The following RGS6 variants were observed in gnomAD, a reference collection of about 807,000 sequenced individuals.
The protein encoded by RGS6 is regulator of G protein signaling 6, also known as regulator of G-protein signaling 6.
Under a neutral mutation model 78.5 loss-of-function variants are expected in RGS6, and 30 were observed. The observed-to-expected ratio is 0.38, with a 90% confidence interval of 0.29 to 0.52. The LOEUF (loss-of-function observed/expected upper bound fraction) is 0.52. Among genes scored for constraint, RGS6 ranks in the 20% least tolerant of loss-of-function variants. The probability of loss-of-function intolerance (pLI) is 0.85; values close to 1 mark genes in which losing one functional copy is unlikely to be tolerated. For missense variants in RGS6, 495 were observed against 609.7 expected (o/e 0.81, Z 1.98); for synonymous variants, 206 against 206.0 (o/e 1.00, Z 0.00).
chr14:71,936,105 A>T (rs1363787060), intron 1 of RGS6, among the ~76,000 whole-genome samples: 2 of 148,102 alleles, frequency 1.4e-5, no homozygotes, highest in African/African-American at 4.9e-5. Context: ...TATACATATG[A>T]TATATGTACA....
chr14:71,962,023 A>G (rs577093923), intron 1 of RGS6, among the ~76,000 whole-genome samples: 4 of 152,336 alleles, frequency 2.6e-5, no homozygotes, highest in African/African-American at 4.8e-5. Flanking sequence ...CCAGTTCTCT[A>G]TAACATCTGT....
intron 2 of RGS6, among the ~76,000 whole-genome samples, chr14:72,176,811 A>G (rs2097110505): frequency 6.6e-6 from 1 of 152,226 alleles, no homozygotes; most frequent in Non-Finnish European, 1.5e-5. Context: ...ACATACGCAC[A>G]TGTGCACACA....
chr14:71,950,923 C>G (rs1298501908), intron 1 of RGS6, among the ~76,000 whole-genome samples: 1 of 151,996 alleles, frequency 6.6e-6, no homozygotes, highest in Non-Finnish European at 1.5e-5. Context: ...GCTGGCGAGG[C>G]TGAGGAGAGA....
At chr14:72,254,740 C>T (rs2056693154) in intron 2 of RGS6, among the ~76,000 whole-genome samples, 1 of 152,086 alleles carries the variant, frequency 6.6e-6, no homozygotes, top group Non-Finnish European at 1.5e-5. Flanking sequence ...ATCAATCCTA[C>T]ATGGAGCTAC....
the RGS6 span, among the ~76,000 whole-genome samples, chr14:72,621,985 G>T: frequency 6.6e-6 from 1 of 152,212 alleles, no homozygotes; most frequent in Non-Finnish European, 1.5e-5. Flanking sequence ...CAGGAGAGAA[G>T]TCTGGGCCTG....
chr14:72,294,460 T>C (rs2064285216), intron 2 of RGS6, among the ~76,000 whole-genome samples: 1 of 152,214 alleles, frequency 6.6e-6, no homozygotes, highest in Non-Finnish European at 1.5e-5. Flanking sequence ...ATAGTCCCTT[T>C]ATGAAGTTTG....
intron 2 of RGS6, among the ~76,000 whole-genome samples, chr14:72,232,634 A>T (rs575722998): frequency 6.6e-6 from 1 of 152,110 alleles, no homozygotes; most frequent in Non-Finnish European, 1.5e-5. Flanking sequence ...GGTGTCCTCA[A>T]TGGAGAGGCG....
chr14:72,620,732 T>G, the RGS6 span, among the ~76,000 whole-genome samples: 1 of 152,236 alleles, frequency 6.6e-6, no homozygotes, highest in East Asian at 1.9e-4. Context: ...CTAATCTACC[T>G]CAACTGGAAG....
intron 3 of RGS6, among the ~76,000 whole-genome samples, chr14:72,436,061 C>T (rs1254714281): frequency 6.6e-6 from 1 of 152,100 alleles, no homozygotes; most frequent in Non-Finnish European, 1.5e-5. Flanking sequence ...CCCTCTTTGA[C>T]CCTTCTGCCT....
chr14:72,612,355 C>T, the RGS6 span: 1 of 449,368 alleles, frequency 2.2e-6, no homozygotes, highest in Admixed American at 2.3e-5. Flanking sequence ...GCCACCTGCT[C>T]CCCACCTCCT....
chr14:72,452,351 C>T (rs1032522067), intron 3 of RGS6, among the ~76,000 whole-genome samples: 3 of 152,034 alleles, frequency 2.0e-5, no homozygotes, highest in Admixed American at 6.6e-5. Flanking sequence ...AGAAGTGCTG[C>T]CTTTGAGGTT....
chr14:72,540,642 G>C, intron 17 of RGS6: 1 of 1,424,714 alleles, frequency 7.0e-7, no homozygotes, highest in Non-Finnish European at 9.3e-7. Context: ...TAGCTGGCGT[G>C]TGTGTTAGTC....
intron 2 of RGS6, among the ~76,000 whole-genome samples, chr14:72,161,643 A>G (rs766822685): frequency 1.3e-5 from 2 of 152,170 alleles, no homozygotes; most frequent in Non-Finnish European, 2.9e-5. Flanking sequence ...TTACTGAAAT[A>G]TTCTGTTTCT....
chr14:72,211,695 T>G (rs1046513332), intron 2 of RGS6, among the ~76,000 whole-genome samples: 4 of 152,162 alleles, frequency 2.6e-5, no homozygotes, highest in Admixed American at 6.6e-5. Context: ...CATCTTAGAA[T>G]AGACTTGGGA....
chr14:72,221,017 G>A (rs2153791197), intron 2 of RGS6, among the ~76,000 whole-genome samples: 1 of 152,268 alleles, frequency 6.6e-6, no homozygotes, highest in African/African-American at 2.4e-5. Context: ...AAACCTGTCT[G>A]AAGACCTTAG....
chr14:72,074,771 A>C (rs868675080), intron 2 of RGS6, among the ~76,000 whole-genome samples: 58 of 152,148 alleles, frequency 3.8e-4, no homozygotes, highest in African/African-American at 1.3e-3. Context: ...ATTTTTATTT[A>C]TCTCTCAAGT....
intron 7 of RGS6, among the ~76,000 whole-genome samples, chr14:72,468,602 T>G (rs1428569958): frequency 1.3e-5 from 2 of 152,218 alleles, no homozygotes; most frequent in Non-Finnish European, 2.9e-5. Context: ...CATACATTTT[T>G]TTCTTTACAA....
intron 2 of RGS6, among the ~76,000 whole-genome samples, chr14:72,137,867 C>A (rs543589090): frequency 6.6e-6 from 1 of 152,122 alleles, no homozygotes. Flanking sequence ...TTGTTTAAAT[C>A]ATTTACATAA....
chr14:72,250,165 C>T (rs1243060905), intron 2 of RGS6, among the ~76,000 whole-genome samples: 1 of 151,204 alleles, frequency 6.6e-6, no homozygotes, highest in African/African-American at 2.4e-5. Context: ...GGGTGCAGTG[C>T]ACCAGCATGA....
Sources: allele counts gnomAD v4.1 joint callset (sites outside exome capture counted in the v4.1 genomes callset), GRCh38; gene constraint gnomAD v4.1.1; transcripts MANE v1.5; gene names NCBI Gene and HGNC (gene_info 2026-07-23, HGNC 2026-07-21).